The following SOX6 variants were observed in gnomAD, a reference collection of about 807,000 sequenced individuals.
SOX6 encodes the protein SRY-box transcription factor 6.
Under a neutral mutation model 97.8 loss-of-function variants are expected in SOX6, and 11 were observed. The observed-to-expected ratio is 0.11, with a 90% confidence interval of 0.07 to 0.19. The LOEUF (loss-of-function observed/expected upper bound fraction) is 0.19, where lower values mean the gene tolerates loss of function less well. Ranked by LOEUF, SOX6 falls within the 10% of genes least tolerant of loss-of-function variation. The pLI, the probability that SOX6 is intolerant of heterozygous loss-of-function variation, is 1.00. For synonymous variants in SOX6, 360 were observed against 371.4 expected (o/e 0.97, Z 0.35); for missense variants, 810 against 1,039.5 (o/e 0.78, Z 3.04).
chr11:16,303,576 C>T (rs1168372413), intron 3 of SOX6, among the ~76,000 whole-genome samples: 1 of 152,056 alleles, frequency 6.6e-6, no homozygotes, highest in Non-Finnish European at 1.5e-5. Flanking sequence ...CTTTATTCTT[C>T]TTTCTCAAGA....
At chr11:16,424,220 C>G (rs1859078288) in intron 1 of SOX6, among the ~76,000 whole-genome samples, 1 of 152,136 alleles carries the variant, frequency 6.6e-6, no homozygotes, top group Admixed American at 6.5e-5. Flanking sequence ...AAGGATATTT[C>G]AAGGGTTACC....
intron 6 of SOX6, among the ~76,000 whole-genome samples, chr11:16,132,505 A>AAGC (rs1849843394): frequency 0.023 from 1,956 of 86,148 alleles, 227 homozygotes; most frequent in Admixed American, 0.045. Context: ...AGAAAGAAAG[A>AAGC]AAGCTTATCT....
At chr11:16,132,317 AGG>A (rs1467058731) in intron 6 of SOX6, among the ~76,000 whole-genome samples, 267 of 125,176 alleles carry the variant, frequency 2.1e-3, no homozygotes, top group Middle Eastern at 7.5e-3. Flanking sequence ...GAAGGAAGGA[AGG>A]AAGGAAGGAA....
intron 8 of SOX6, 42 bp from the exon 9 acceptor site, chr11:16,096,160 A>T: frequency 6.3e-7 from 1 of 1,597,506 alleles, no homozygotes; most frequent in Non-Finnish European, 8.6e-7. Context: ...AAGACAAAAC[A>T]TACTGTCAGA....
intron 1 of SOX6, among the ~76,000 whole-genome samples, chr11:16,422,841 A>C (rs1859045512): frequency 6.6e-6 from 1 of 152,206 alleles, no homozygotes; most frequent in South Asian, 2.1e-4. Context: ...TTATGTATTC[A>C]TAGTATGTAC....
At chr11:16,028,663 G>A (rs912520542) in intron 12 of SOX6, among the ~76,000 whole-genome samples, 31 of 152,294 alleles carry the variant, frequency 2.0e-4, no homozygotes, top group African/African-American at 6.5e-4. Flanking sequence ...CTGCAAGACC[G>A]AGAAGCTAAT....
chr11:16,211,105 A>T (rs1252121811), intron 4 of SOX6, among the ~76,000 whole-genome samples: 2 of 152,146 alleles, frequency 1.3e-5, no homozygotes, highest in South Asian at 2.1e-4. Context: ...ACATAAAAAT[A>T]AAAAAATTTA....
intron 4 of SOX6, among the ~76,000 whole-genome samples, chr11:16,516,399 G>T (rs1860974644): frequency 6.6e-6 from 1 of 152,142 alleles, no homozygotes; most frequent in Non-Finnish European, 1.5e-5. Flanking sequence ...CATCGATTTT[G>T]TATCCTGAGA....
At chr11:16,430,015 A>G (rs1859244453) in intron 1 of SOX6, among the ~76,000 whole-genome samples, 4 of 152,178 alleles carry the variant, frequency 2.6e-5, no homozygotes, top group Admixed American at 2.0e-4. Context: ...ACTACCTCAG[A>G]CTATTGTGAG....
At position 16,730,253 on chromosome 11, in the gene SOX6, A is replaced by G. The variant is rs146411827; in HGVS notation, n.353+6086T>C. On this transcript the variant is annotated intron_variant and non_coding_transcript_variant, in intron 2 of 5. Transcript: ENST00000524520. Reference sequence around the variant, plus strand: ...GCTCTGGATCAAGCCGACCTAATGGACATCTACAGAACTCTCCACCCCAAA... The same window carrying G: ...GCTCTGGATCAAGCCGACCTAATGGGCATCTACAGAACTCTCCACCCCAAA... Among the ~76,000 whole-genome samples the G allele has an allele frequency of 2.8e-3, 433 of 152,262 alleles. 6 individuals are homozygous for G. Among genetic ancestry groups the G allele is most frequent in the African/African-American group, 9.9e-3 (410 of 41,558 alleles).
chr11:16,526,919 C>G (rs1861175582), intron 4 of SOX6, among the ~76,000 whole-genome samples: 1 of 152,104 alleles, frequency 6.6e-6, no homozygotes, highest in Non-Finnish European at 1.5e-5. Flanking sequence ...CTAAGATACT[C>G]TTACCCACAC....
rs191237958 is a variant in SOX6, at chr11:16,678,583, A to G, written n.429+36247T>C. 2.3e-4 allele frequency among the ~76,000 whole-genome samples: 35 copies of G among 152,304 alleles called. No homozygotes were observed. The East Asian group carries it at 6.6e-3, about 29-fold the overall frequency. On this transcript the variant is annotated intron_variant and non_coding_transcript_variant, in intron 3 of 5. Transcript: ENST00000524520. Reference sequence around the variant, plus strand: ...CATTCCCAACTGAGGTACCTGGTTCATCTCATTGAGACTGGTTGGACAGTG... The same window carrying G: ...CATTCCCAACTGAGGTACCTGGTTCGTCTCATTGAGACTGGTTGGACAGTG...
At chr11:16,699,048 A>G (rs1848074005) in intron 3 of SOX6, among the ~76,000 whole-genome samples, 2 of 152,360 alleles carry the variant, frequency 1.3e-5, no homozygotes, top group South Asian at 4.1e-4. Flanking sequence ...ACAAACCTTC[A>G]ATTTGCAAAA....
At chr11:16,301,358 A>G (rs1855251203) in intron 3 of SOX6, among the ~76,000 whole-genome samples, 1 of 152,204 alleles carries the variant, frequency 6.6e-6, no homozygotes, top group Non-Finnish European at 1.5e-5. Flanking sequence ...CTACCATATT[A>G]CATGGCTTGG....
chr11:16,620,384 T>C (rs931763920), intron 3 of SOX6, among the ~76,000 whole-genome samples: 1 of 152,212 alleles, frequency 6.6e-6, no homozygotes, highest in African/African-American at 2.4e-5. Context: ...ATATGTTATC[T>C]ATCTGGGCAT....
chr11:16,641,503 G>T (rs1447250333), intron 3 of SOX6, among the ~76,000 whole-genome samples: 3 of 151,968 alleles, frequency 2.0e-5, no homozygotes, highest in African/African-American at 7.2e-5. Context: ...GTTGACAGTG[G>T]GGTGTTAAAG....
intron 3 of SOX6, among the ~76,000 whole-genome samples, chr11:16,676,340 A>T (rs1425977541): frequency 6.6e-6 from 1 of 152,032 alleles, no homozygotes; most frequent in Non-Finnish European, 1.5e-5. Flanking sequence ...TGTTTCCTTT[A>T]GCTGTTTGAG....
chr11:16,306,688 C>T (rs1192700393), intron 3 of SOX6, among the ~76,000 whole-genome samples: 2 of 144,746 alleles, frequency 1.4e-5, no homozygotes, highest in African/African-American at 2.5e-5. Context: ...TGCAGTGGCA[C>T]GATCTTGGTT....
chr11:16,216,676 T>C (rs1179052836), intron 4 of SOX6, among the ~76,000 whole-genome samples: 1 of 152,142 alleles, frequency 6.6e-6, no homozygotes, highest in Non-Finnish European at 1.5e-5. Context: ...CAATCATCAC[T>C]TCTTATTCAT....
Sources: allele counts gnomAD v4.1 joint callset (sites outside exome capture counted in the v4.1 genomes callset), GRCh38; gene constraint gnomAD v4.1.1; transcripts MANE v1.5; gene names NCBI Gene and HGNC (gene_info 2026-07-23, HGNC 2026-07-21).